USP26: variants seen among roughly 807,000 people sequenced by gnomAD.
USP26 encodes the protein ubiquitin carboxyl-terminal hydrolase 26.
For missense variants in USP26, 649 were observed against 642.3 expected, an observed-to-expected ratio of 1.01 and a Z score of -0.11; for synonymous variants, 236 against 240.6, an observed-to-expected ratio of 0.98 and a Z score of 0.18.
intron 4 of USP26, among the ~76,000 whole-genome samples, chrX:133,087,585 C>A (rs777474334): frequency 8.9e-6 from 1 of 112,133 alleles, no homozygotes; most frequent in Admixed American, 9.5e-5. Context: ...ACTTGTTAAA[C>A]AAAAAGCATA....
chrX:133,040,073 GC>G (rs1029640022), intron 5 of USP26, among the ~76,000 whole-genome samples: 2 of 111,016 alleles, frequency 1.8e-5, no homozygotes, highest in African/African-American at 6.6e-5. Context: ...TTTATTTCGA[GC>G]CTATGTGTGT....
At chrX:133,044,997 A>C (rs1254850607) in intron 5 of USP26, among the ~76,000 whole-genome samples, 1 of 111,142 alleles carries the variant, frequency 9.0e-6, no homozygotes, top group Non-Finnish European at 1.9e-5. Context: ...CTTTTTGTCT[A>C]GCTACAGGAT....
chrX:133,091,828 T>C (rs1368248312), intron 1 of USP26, among the ~76,000 whole-genome samples: 1 of 111,793 alleles, frequency 8.9e-6, no homozygotes, highest in Non-Finnish European at 1.9e-5. Flanking sequence ...CTTGTCTAGG[T>C]GATCTTGACA....
intron 5 of USP26, among the ~76,000 whole-genome samples, chrX:133,034,489 C>T (rs746829684): frequency 8.9e-6 from 1 of 111,881 alleles, no homozygotes. Flanking sequence ...AATGCATACA[C>T]ACTTTAATGA....
intron 5 of USP26, among the ~76,000 whole-genome samples, chrX:133,043,709 T>C (rs1298457655): frequency 9.0e-6 from 1 of 111,269 alleles, no homozygotes; most frequent in African/African-American, 3.3e-5. Flanking sequence ...AGTTTGAGAC[T>C]AACCTGGGCA....
At position 133,027,879 on chromosome X, in the gene USP26, C is replaced by G; in HGVS notation, c.342G>C (p.Lys114Asn). The G allele has an allele frequency of 8.3e-7, 1 of 1,209,470 alleles. No homozygotes were observed. Among genetic ancestry groups the G allele is most frequent in the South Asian group, 1.8e-5 (1 of 56,588 alleles). The change falls in exon 6 of 6, where the codon AAG becomes AAC. Residue 114 changes from lysine to asparagine, a missense_variant. Transcript: ENST00000511190. ...NEVQPPVRPG[K>N]GGSVFSSTTQ... ...TTGTGCTAGAAAAGACACTCCCACC[C>G]TTACCAGGTCTCACAGGTGGCTGAA... is the stretch of plus-strand genomic sequence containing the variant.
At chrX:133,059,874 T>C (rs1324298443) in intron 5 of USP26, among the ~76,000 whole-genome samples, 3 of 112,104 alleles carry the variant, frequency 2.7e-5, no homozygotes, top group African/African-American at 9.7e-5. Context: ...ATGAATGATC[T>C]CAGACTTACG....
At chrX:133,054,711 C>A (rs1222255291) in intron 5 of USP26, among the ~76,000 whole-genome samples, 1 of 111,235 alleles carries the variant, frequency 9.0e-6, no homozygotes, top group Non-Finnish European at 1.9e-5. Flanking sequence ...GAAGACCATC[C>A]ACTTGGATAA....
chrX:133,076,722 A>G (rs1421785916), intron 5 of USP26, among the ~76,000 whole-genome samples: 1 of 111,999 alleles, frequency 8.9e-6, no homozygotes, highest in Non-Finnish European at 1.9e-5. Flanking sequence ...TGATGTCTCC[A>G]GCCAACAACC....
intron 4 of USP26, among the ~76,000 whole-genome samples, chrX:133,087,441 G>A (rs1043758157): frequency 2.7e-5 from 3 of 112,111 alleles, no homozygotes; most frequent in Non-Finnish European, 5.6e-5. Flanking sequence ...GCTCATATGA[G>A]GTGGTAAGTG....
chrX:133,035,233 C>G (rs993499658), intron 5 of USP26, among the ~76,000 whole-genome samples: 9 of 112,093 alleles, frequency 8.0e-5, no homozygotes, highest in African/African-American at 2.9e-4. Context: ...AGAAATGGTA[C>G]AAGATTCTAT....
intron 5 of USP26, among the ~76,000 whole-genome samples, chrX:133,039,680 G>A (rs1188334306): frequency 9.0e-6 from 1 of 111,727 alleles, no homozygotes; most frequent in Non-Finnish European, 1.9e-5. Context: ...GATTTGGGGT[G>A]GAGAGTTCTG....
rs1425558489 is a variant in USP26 at position 133,083,749 on chromosome X, A to G, written c.-119T>C. On this transcript the variant is annotated 5_prime_UTR_variant, in exon 5 of 6. Transcript: ENST00000511190. ...GAGGCAAGCACTTAGCAAGCAGCCCAGGTTAAAGCAGAAACAGGGAATCTG... is the reference window on the plus strand; with the variant it reads ...GAGGCAAGCACTTAGCAAGCAGCCCGGGTTAAAGCAGAAACAGGGAATCTG... The G allele has an allele frequency of 8.9e-6, 1 of 112,012 alleles. No homozygotes were observed. The highest frequency in any genetic ancestry group is 1.9e-5 in the Non-Finnish European group (1 of 53,304). The allele number at this position is 112,012 out of a possible 1,213,427, so 9.2% of individuals were successfully genotyped here. A position where few individuals can be genotyped will look rare whatever the true frequency, so the allele number is the denominator to read the frequency against.
At chrX:133,065,036 A>G (rs751972945) in intron 5 of USP26, among the ~76,000 whole-genome samples, 1 of 111,885 alleles carries the variant, frequency 8.9e-6, no homozygotes, top group Non-Finnish European at 1.9e-5. Flanking sequence ...AAAAAACGAT[A>G]AAGGGGGTAT....
chrX:133,067,407 T>C (rs1314168622), intron 5 of USP26, among the ~76,000 whole-genome samples: 1 of 112,666 alleles, frequency 8.9e-6, no homozygotes, highest in East Asian at 2.8e-4. Context: ...ATCATTCTAC[T>C]ATAAAGACAC....
chrX:133,091,800 AT>A (rs1430151363), intron 1 of USP26, among the ~76,000 whole-genome samples: 2 of 111,589 alleles, frequency 1.8e-5, no homozygotes, highest in East Asian at 5.7e-4. Flanking sequence ...ACCTCACACA[AT>A]GTAAGGACAC....
chrX:133,054,167 G>A (rs2067468496), intron 5 of USP26, among the ~76,000 whole-genome samples: 1 of 111,833 alleles, frequency 8.9e-6, no homozygotes, highest in South Asian at 3.8e-4. Context: ...CTACATACGG[G>A]CAAAAGGTTA....
Position 133,027,936 on chromosome X carries a change from C to T in USP26, c.285G>A (p.Lys95=). ...TTTGATGAACTCTGTCCAAGAATAT[C>T]TTCAATTGTTCAGCATCTGTGGAGG... ...GLSSTDAEQL[K]IFLDRVHQNE... is the part of the protein sequence containing the mutation. Residue 95 remains lysine, a synonymous_variant, in exon 6 of 6, where the codon AAG becomes AAA. Coordinates refer to ENST00000511190, the MANE Select transcript of USP26 (RefSeq NM_031907.3). 1.7e-6 allele frequency: 2 copies of T among 1,211,263 alleles called. No homozygotes were observed. Among genetic ancestry groups the T allele is most frequent in the African/African-American group, 1.7e-5 (1 of 57,861 alleles).
At chrX:133,058,665 A>T (rs746699163) in intron 5 of USP26, among the ~76,000 whole-genome samples, 1 of 111,645 alleles carries the variant, frequency 9.0e-6, no homozygotes, top group South Asian at 3.8e-4. Context: ...TTTAGACGAC[A>T]TATATTTGGG....
Sources: allele counts gnomAD v4.1 joint callset (sites outside exome capture counted in the v4.1 genomes callset), GRCh38; gene constraint gnomAD v4.1.1; transcripts MANE v1.5; gene names NCBI Gene and HGNC (gene_info 2026-07-23, HGNC 2026-07-21).